PLEKHH2: variants seen among roughly 807,000 people sequenced by gnomAD.
The protein encoded by PLEKHH2 is pleckstrin homology domain-containing family H member 2.
PLEKHH2 carries 129 observed loss-of-function variants against 187.9 expected under a neutral mutation model. The observed-to-expected ratio is 0.69, with a 90% confidence interval of 0.59 to 0.79. PLEKHH2 has a LOEUF of 0.79. Among genes scored for constraint, PLEKHH2 ranks in the 30% least tolerant of loss-of-function variants. The pLI, the probability that PLEKHH2 is intolerant of heterozygous loss-of-function variation, is 0.00. For synonymous variants in PLEKHH2, 686 were observed against 605.6 expected (o/e 1.13, Z -1.95); for missense variants, 2,076 against 1,751.2 (o/e 1.19, Z -3.31).
chr2:43,722,037 G>A (rs1212741898), intron 16 of PLEKHH2, among the ~76,000 whole-genome samples: 1 of 151,706 alleles, frequency 6.6e-6, no homozygotes, highest in Non-Finnish European at 1.5e-5. Context: ...CGTGTTACAG[G>A]TGTAAAAGAT....
intron 2 of PLEKHH2, among the ~76,000 whole-genome samples, chr2:43,666,447 G>T (rs917865914): frequency 1.4e-5 from 2 of 147,164 alleles, no homozygotes; most frequent in Admixed American, 6.6e-5. Context: ...CGTCGCTCAC[G>T]CTGGGAGCTG....
At position 43,740,970 on chromosome 2, in the gene PLEKHH2, G is replaced by T. The variant is rs142126338; in HGVS notation, c.3148G>T (p.Val1050Phe). ...GGGCTGGCAGCTCTTGGCACTCTGC[G>T]TTGGGCTCTTCCTTCCCCATCATCC... is the stretch of plus-strand genomic sequence containing the variant. Reference protein sequence around the residue: ...LQGWQLLALCVGLFLPHHPFL... With the variant: ...LQGWQLLALCFGLFLPHHPFL... The change falls in exon 21 of 30, where the codon GTT becomes TTT. Residue 1050 changes from valine to phenylalanine, a missense_variant. Val to Phe is a conservative substitution (Grantham distance 50). Coordinates refer to ENST00000282406, the MANE Select transcript of PLEKHH2 (RefSeq NM_172069.4). The T allele has an allele frequency of 2.5e-6, 4 of 1,613,870 alleles. No homozygotes were observed. The highest frequency in any genetic ancestry group is 3.4e-6 in the Non-Finnish European group (4 of 1,179,926).
chr2:43,699,830 A>T lies in PLEKHH2; in HGVS notation c.872A>T (p.Glu291Val). The T allele has an allele frequency of 1.2e-6, 2 of 1,611,870 alleles. No individual in the cohort carries two copies. Among genetic ancestry groups the T allele is most frequent in the Non-Finnish European group, 1.7e-6 (2 of 1,177,964 alleles). The change falls in exon 8 of 30, where the codon GAA becomes GTA. Residue 291 changes from glutamate (E) to valine (V), a missense_variant. Physicochemically the swap from Glu to Val is moderately radical, Grantham distance 121. Transcript: ENST00000282406. ...APVSDWSSDE[E>V]DGSKGRSKSR... ...GTGAGTGACTGGAGCTCTGATGAGG[A>T]AGACGGGAGCAAAGGAAGATCCAAG... is the stretch of plus-strand genomic sequence containing the variant.
At chr2:43,705,990 G>C (rs892080308) in intron 9 of PLEKHH2, among the ~76,000 whole-genome samples, 1 of 152,162 alleles carries the variant, frequency 6.6e-6, no homozygotes, top group African/African-American at 2.4e-5. Context: ...TACTGAATTG[G>C]TTGGTAAGCA....
chr2:43,707,056 C>T (rs537361450), intron 10 of PLEKHH2, among the ~76,000 whole-genome samples: 8 of 151,866 alleles, frequency 5.3e-5, no homozygotes, highest in African/African-American at 1.7e-4. Flanking sequence ...ATTAGCCGGG[C>T]GTGGTGGCAG....
At chr2:43,696,172 A>G (rs1669079588) in intron 6 of PLEKHH2, among the ~76,000 whole-genome samples, 1 of 152,074 alleles carries the variant, frequency 6.6e-6, no homozygotes, top group Non-Finnish European at 1.5e-5. Flanking sequence ...ATTATTTATA[A>G]CTTTTGGCTG....
intron 27 of PLEKHH2, among the ~76,000 whole-genome samples, chr2:43,760,973 T>C (rs76888812): frequency 6.6e-6 from 1 of 152,338 alleles, no homozygotes; most frequent in African/African-American, 2.4e-5. Flanking sequence ...AAAATTTCCT[T>C]CCCTTTTGAG....
At chr2:43,710,360 G>T in intron 13 of PLEKHH2, 30 bp downstream of exon 13, 8 of 1,602,750 alleles carry the variant, frequency 5.0e-6, no homozygotes, top group Non-Finnish European at 6.0e-6. Context: ...TGTTTAGAAC[G>T]TAATTCCTCA....
intron 19 of PLEKHH2, among the ~76,000 whole-genome samples, chr2:43,732,300 T>A (rs1245888230): frequency 6.6e-6 from 1 of 152,076 alleles, no homozygotes; most frequent in South Asian, 2.1e-4. Context: ...GAGATGGAGG[T>A]TGCAGTGAGC....
In PLEKHH2 at chr2:43,700,026, G is replaced by A; in HGVS notation, c.1068G>A (p.Gln356=). 1.2e-6 allele frequency: 2 copies of A among 1,614,174 alleles called. No individual in the cohort carries two copies. The highest frequency in any genetic ancestry group is 1.7e-6 in the Non-Finnish European group (2 of 1,180,024). The change falls in exon 8 of 30, where the codon CAG becomes CAA. Residue 356 remains glutamine, a synonymous_variant. Transcript: ENST00000282406. ...ACAAGAAGCTATATTCTTGGCAGCA[G>A]GAGGCACAGTGGAAAGCTCTAAATA... is the stretch of plus-strand genomic sequence containing the variant. ...PEHKKLYSWQ[Q]EAQWKALNSP...
intron 15 of PLEKHH2, among the ~76,000 whole-genome samples, chr2:43,717,054 C>T (rs1377412559): frequency 6.6e-6 from 1 of 152,088 alleles, no homozygotes; most frequent in Non-Finnish European, 1.5e-5. Flanking sequence ...GGACATGGGG[C>T]CAGGAGGGGA....
intron 16 of PLEKHH2, 74 bp from the exon 17 acceptor site, chr2:43,726,198 A>G (rs1670735949): frequency 1.0e-6 from 1 of 994,444 alleles, no homozygotes; most frequent in African/African-American, 1.7e-5. Flanking sequence ...TTAAAAATGA[A>G]AAGGACTATG....
At chr2:43,704,908 T>C (rs1312109051) in intron 9 of PLEKHH2, among the ~76,000 whole-genome samples, 2 of 152,168 alleles carry the variant, frequency 1.3e-5, no homozygotes, top group African/African-American at 2.4e-5. Flanking sequence ...CACTCAACTC[T>C]GATGTATATT....
chr2:43,693,708 A>G (rs7563420), intron 4 of PLEKHH2, among the ~76,000 whole-genome samples: 72,134 of 134,550 alleles, frequency 0.54, 20,117 homozygotes, highest in African/African-American at 0.67. Context: ...TGGGCGACTG[A>G]GCGAGACTCC....
At chr2:43,731,045 A>G (rs1348868837) in intron 18 of PLEKHH2, among the ~76,000 whole-genome samples, 1 of 152,160 alleles carries the variant, frequency 6.6e-6, no homozygotes, top group Non-Finnish European at 1.5e-5. Flanking sequence ...TATCCAAAAC[A>G]GGAACATGTC....
At chr2:43,674,175 A>G (rs1336798721) in intron 2 of PLEKHH2, among the ~76,000 whole-genome samples, 1 of 152,222 alleles carries the variant, frequency 6.6e-6, no homozygotes, top group Non-Finnish European at 1.5e-5. Context: ...TGTTATCACT[A>G]GAAACTATAC....
intron 3 of PLEKHH2, among the ~76,000 whole-genome samples, chr2:43,683,083 G>A (rs1303802039): frequency 1.4e-5 from 2 of 145,976 alleles, no homozygotes; most frequent in Non-Finnish European, 3.0e-5. Flanking sequence ...GACTAGTGCT[G>A]TTAAGAACGT....
chr2:43,644,781 G>A lies in PLEKHH2; in HGVS notation c.108G>A (p.Glu36=), dbSNP rs1289723203. The A allele has an allele frequency of 6.2e-7, 1 of 1,606,452 alleles. No individual in the cohort carries two copies. ...KFRVQASKIR[E]LLAEKMQQLE... ...GAGTTCAAGCAAGCAAGATACGAGA[G>A]CTTTTAGCAGAGAAGGTAAGCTTTC... The change falls in exon 2 of 30, where the codon GAG becomes GAA. Residue 36 remains glutamate (E), a synonymous_variant. Coordinates refer to ENST00000282406, the MANE Select transcript of PLEKHH2 (RefSeq NM_172069.4).
chr2:43,697,782 C>T (rs1669159747), intron 7 of PLEKHH2, among the ~76,000 whole-genome samples: 1 of 152,036 alleles, frequency 6.6e-6, no homozygotes, highest in Non-Finnish European at 1.5e-5. Flanking sequence ...TAATATTACA[C>T]ATGAAATTAA....
Sources: gnomAD v4.1 joint callset for allele counts (sites outside exome capture counted in the v4.1 genomes callset) on GRCh38, gnomAD v4.1.1 for gene constraint, MANE v1.5 for transcripts, NCBI Gene and HGNC (gene_info 2026-07-23, HGNC 2026-07-21) for gene names.